Variants in DMD observed in about 807,000 individuals in gnomAD.
DMD encodes the protein dystrophin.
In DMD, 63 loss-of-function variants were observed where a neutral mutation model predicts 330.1. The ratio of observed to expected loss-of-function variants is 0.19; its 90% CI spans 0.16 to 0.24. The LOEUF (loss-of-function observed/expected upper bound fraction) is 0.24. Among genes scored for constraint, DMD ranks in the 10% least tolerant of loss-of-function variants. The probability of loss-of-function intolerance (pLI) is 1.00; values close to 1 mark genes in which losing one functional copy is unlikely to be tolerated. For synonymous variants in DMD, 1,223 were observed against 959.8 expected (o/e 1.27, Z -5.07); for missense variants, 3,344 against 2,684.1 (o/e 1.25, Z -5.43).
intron 59 of DMD, among the ~76,000 whole-genome samples, chrX:31,460,472 T>A (rs1317919045): frequency 1.8e-5 from 2 of 112,501 alleles, no homozygotes; most frequent in Non-Finnish European, 3.7e-5. Context: ...TATAAAGTAC[T>A]ATTTTATCAT....
intron 63 of DMD, among the ~76,000 whole-genome samples, chrX:31,248,046 A>C (rs773356019): frequency 1.8e-5 from 2 of 112,088 alleles, no homozygotes; most frequent in Non-Finnish European, 3.8e-5. Flanking sequence ...TGCAGCCATC[A>C]ACATCGAGGC....
chrX:32,604,498 C>G (rs1038973491), intron 12 of DMD, among the ~76,000 whole-genome samples: 2 of 109,563 alleles, frequency 1.8e-5, no homozygotes, highest in African/African-American at 6.6e-5. Context: ...TACAACAAGA[C>G]AAGGATACCC....
In DMD at chrX:32,917,170, C is replaced by T. The variant is rs575182901; in HGVS notation, c.94-67350G>A. On this transcript the variant is annotated intron_variant, in intron 2 of 78. Coordinates refer to ENST00000357033, the MANE Select transcript of DMD (RefSeq NM_004006.3). ...AAAAGTGTGGCACTTCCCCCCCCCC[C>T]ACATCCCCCAGCTCCTGCCACCATG... 1.5e-4 allele frequency among the ~76,000 whole-genome samples: 15 copies of T among 97,141 alleles called. No individual in the cohort carries two copies. The South Asian group carries it at 6.8e-3, about 44-fold the overall frequency. 84.4% of individuals were successfully genotyped at this position (97,141 alleles called of 115,157 possible).
intron 7 of DMD, among the ~76,000 whole-genome samples, chrX:32,739,593 C>G (rs1254578735): frequency 9.0e-6 from 1 of 111,602 alleles, no homozygotes; most frequent in Admixed American, 9.6e-5. Context: ...AATAATACAG[C>G]AATTTTGGGA....
In DMD at chrX:32,229,336, T is replaced by C. The variant is rs780639480; in HGVS notation, c.6291-12273A>G. 5.4e-5 allele frequency among the ~76,000 whole-genome samples: 6 copies of C among 110,317 alleles called. No homozygotes were observed. The South Asian group carries it at 1.9e-3, about 36-fold the overall frequency. The stretch of plus-strand genomic sequence containing the variant: ...ATATTTCTAGACACTTCTCATTATA[T>C]ATCATGACAAGTACCTCATACTCTC... On this transcript the variant is annotated intron_variant, in intron 43 of 78. Coordinates refer to ENST00000357033, the MANE Select transcript of DMD (RefSeq NM_004006.3).
chrX:32,064,885 T>C (rs2096250144), intron 44 of DMD, among the ~76,000 whole-genome samples: 1 of 111,267 alleles, frequency 9.0e-6, no homozygotes, highest in African/African-American at 3.3e-5. Context: ...TAATGAAAAT[T>C]TTATTATTCA....
At chrX:32,127,967 A>G (rs147811668) in intron 44 of DMD, among the ~76,000 whole-genome samples, 1,893 of 112,369 alleles carry the variant, frequency 0.017, 42 homozygotes, top group African/African-American at 0.058. Context: ...AGTTATGTCC[A>G]TTATCCATCC....
At chrX:33,087,494 T>C (rs2095025476) in intron 1 of DMD, among the ~76,000 whole-genome samples, 1 of 112,137 alleles carries the variant, frequency 8.9e-6, no homozygotes, top group South Asian at 3.7e-4. Flanking sequence ...TTTATTTGAT[T>C]TGTATGATAC....
chrX:32,237,004 A>G (rs1233699669), intron 43 of DMD, among the ~76,000 whole-genome samples: 1 of 111,716 alleles, frequency 9.0e-6, no homozygotes, highest in Non-Finnish European at 1.9e-5. Context: ...CAAATATACT[A>G]TCTGAGCCTA....
intron 43 of DMD, among the ~76,000 whole-genome samples, chrX:32,257,043 C>A (rs1161472975): frequency 9.0e-6 from 1 of 111,523 alleles, no homozygotes; most frequent in South Asian, 3.8e-4. Context: ...AGAGCCAAAT[C>A]GTGGGTGAAC....
intron 2 of DMD, among the ~76,000 whole-genome samples, chrX:32,982,413 T>C (rs2092729448): frequency 9.0e-6 from 1 of 111,700 alleles, no homozygotes; most frequent in South Asian, 3.7e-4. Context: ...TTTTAAAAAA[T>C]ATGTAACAGC....
At chrX:31,979,657 G>C (rs916091775) in intron 44 of DMD, among the ~76,000 whole-genome samples, 1 of 112,009 alleles carries the variant, frequency 8.9e-6, no homozygotes, top group Non-Finnish European at 1.9e-5. Flanking sequence ...GCTGAAGCTG[G>C]TCAAAGACAA....
chrX:32,473,252 C>T (rs2040854870), intron 21 of DMD, among the ~76,000 whole-genome samples: 1 of 110,806 alleles, frequency 9.0e-6, no homozygotes, highest in African/African-American at 3.3e-5. Context: ...ATGGGTTTAA[C>T]AGCAAATTTG....
intron 1 of DMD, among the ~76,000 whole-genome samples, chrX:33,251,438 T>A (rs2148897627): frequency 9.0e-6 from 1 of 111,479 alleles, no homozygotes; most frequent in East Asian, 2.9e-4. Flanking sequence ...AAAGAACAAA[T>A]CATGATTGGC....
In DMD at chrX:32,092,703, A is replaced by G. The variant is rs58959087; in HGVS notation, c.6439-124189T>C. Among the ~76,000 whole-genome samples the G allele has an allele frequency of 1.0e-3, 96 of 96,032 alleles. 1 individual carries two copies. The highest frequency in any genetic ancestry group is 3.5e-3 in the African/African-American group (88 of 25,073). 83.4% of individuals were successfully genotyped at this position (96,032 alleles called of 115,157 possible). A position where few individuals can be genotyped will look rare whatever the true frequency, so the allele number is the denominator to read the frequency against. On this transcript the variant is annotated intron_variant, in intron 44 of 78. Transcript: ENST00000357033. ...ATTTTGGTTTTATACTTCCTCAAAA[A>G]TGTTCATCACGTTATTTTCACTTTT...
Position 33,219,252 on chromosome X carries a change from G to T in DMD, c.7+120007C>A, listed in dbSNP as rs889664083. Among the ~76,000 whole-genome samples the T allele has an allele frequency of 3.7e-5, 4 of 108,348 alleles. No homozygotes were observed. The East Asian group carries it at 1.2e-3, about 31-fold the overall frequency. 94.1% of individuals were successfully genotyped at this position (108,348 alleles called of 115,157 possible). ...GAAGTGTGCTGCCTTATTGCCAGGTGGGAGTGAAGGTCCTGGTTCCCCACT... is the reference window on the plus strand; with the variant it reads ...GAAGTGTGCTGCCTTATTGCCAGGTTGGAGTGAAGGTCCTGGTTCCCCACT... On this transcript the variant is annotated intron_variant, in intron 1 of 17. Coordinates refer to the DMD transcript ENST00000288447.
chrX:31,796,295 T>A (rs774516565), intron 50 of DMD, among the ~76,000 whole-genome samples: 3 of 112,206 alleles, frequency 2.7e-5, no homozygotes, highest in African/African-American at 9.7e-5. Context: ...AATTTCAAGC[T>A]TATTTGTCTT....
intron 43 of DMD, among the ~76,000 whole-genome samples, chrX:32,239,328 C>G (rs188718991): frequency 2.2e-3 from 251 of 111,673 alleles, no homozygotes; most frequent in Middle Eastern, 4.6e-3. Context: ...TACTTTTGAA[C>G]TTTTATTTCT....
chrX:32,120,244 G>T (rs778362883), intron 44 of DMD, among the ~76,000 whole-genome samples: 1 of 111,969 alleles, frequency 8.9e-6, no homozygotes, highest in Non-Finnish European at 1.9e-5. Flanking sequence ...TTATAGCCTA[G>T]CTAAAGCAGT....
Sources: allele counts gnomAD v4.1 joint callset (sites outside exome capture counted in the v4.1 genomes callset), GRCh38; gene constraint gnomAD v4.1.1; transcripts MANE v1.5; gene names NCBI Gene and HGNC (gene_info 2026-07-23, HGNC 2026-07-21).